The following DENND1B variants were observed in gnomAD, a reference collection of about 807,000 sequenced individuals.
DENND1B encodes the protein DENN domain containing 1B.
In DENND1B, 59 loss-of-function variants were observed where a neutral mutation model predicts 90.1. That is an observed-to-expected ratio of 0.65 (90% CI 0.53 to 0.81). The LOEUF is 0.81. Among genes scored for constraint, DENND1B ranks in the 40% least tolerant of loss-of-function variants. The pLI, the probability that DENND1B is intolerant of heterozygous loss-of-function variation, is 0.00. For missense variants in DENND1B, 862 were observed against 912.6 expected (o/e 0.94, Z 0.71); for synonymous variants, 337 against 324.6 (o/e 1.04, Z -0.41).
intron 3 of DENND1B, among the ~76,000 whole-genome samples, chr1:197,679,153 CTA>C (rs1656393509): frequency 6.6e-6 from 1 of 151,426 alleles, no homozygotes; most frequent in African/African-American, 2.4e-5. Flanking sequence ...ATAAAAAGAA[CTA>C]TGTTATAAAA....
intron 10 of DENND1B, among the ~76,000 whole-genome samples, chr1:197,618,010 G>A (rs757963431): frequency 6.6e-6 from 1 of 151,036 alleles, no homozygotes; most frequent in Non-Finnish European, 1.5e-5. Context: ...TACCGAGTTT[G>A]GGATTGAAAA....
intron 2 of DENND1B, among the ~76,000 whole-genome samples, chr1:197,740,497 A>T (rs1308221378): frequency 6.6e-6 from 1 of 152,202 alleles, no homozygotes; most frequent in Non-Finnish European, 1.5e-5. Context: ...TTGAGAATTG[A>T]GGTTGTAGAC....
intron 12 of DENND1B, among the ~76,000 whole-genome samples, chr1:197,611,117 G>A (rs1338753211): frequency 6.6e-6 from 1 of 150,746 alleles, no homozygotes; most frequent in Non-Finnish European, 1.5e-5. Context: ...ACTCATTTAG[G>A]TTGCTTATTA....
chr1:197,626,776 C>T (rs1357773079), intron 10 of DENND1B, among the ~76,000 whole-genome samples: 12 of 151,284 alleles, frequency 7.9e-5, no homozygotes, highest in African/African-American at 2.2e-4. Flanking sequence ...ATTGATAGAC[C>T]GCTAGCAAGA....
At chr1:197,733,296 T>A (rs1211730181) in intron 2 of DENND1B, among the ~76,000 whole-genome samples, 1 of 152,148 alleles carries the variant, frequency 6.6e-6, no homozygotes, top group Non-Finnish European at 1.5e-5. Flanking sequence ...GAAATATGCA[T>A]GTATTATTAG....
intron 3 of DENND1B, among the ~76,000 whole-genome samples, chr1:197,713,793 T>TACTATATTATAATA (rs1376908590): frequency 4.9e-5 from 1 of 20,226 alleles, no homozygotes; most frequent in Non-Finnish European, 8.2e-5. Context: ...TATTATAATA[T>TACTATATTATAATA]TATTATATTA....
intron 10 of DENND1B, among the ~76,000 whole-genome samples, chr1:197,632,438 T>C (rs185236977): frequency 1.0e-3 from 159 of 152,246 alleles, no homozygotes; most frequent in African/African-American, 3.8e-3. Flanking sequence ...CTTTCGAGAA[T>C]GAGGTGTCAT....
intron 6 of DENND1B, among the ~76,000 whole-genome samples, chr1:197,656,288 T>A: frequency 6.8e-6 from 1 of 147,772 alleles, no homozygotes; most frequent in Admixed American, 6.7e-5. Flanking sequence ...AAAGAGAAGG[T>A]GAGGACATAA....
intron 20 of DENND1B, among the ~76,000 whole-genome samples, chr1:197,537,898 C>T (rs1267758474): frequency 2.0e-5 from 3 of 151,562 alleles, no homozygotes; most frequent in African/African-American, 2.4e-5. Flanking sequence ...ATGTTCTTCC[C>T]GCAAAAAATG....
chr1:197,755,376 A>G (rs997159478), intron 2 of DENND1B, among the ~76,000 whole-genome samples: 12 of 152,168 alleles, frequency 7.9e-5, no homozygotes, highest in African/African-American at 2.7e-4. Context: ...TAGTGGAAGT[A>G]TCTAAATTAT....
intron 18 of DENND1B, among the ~76,000 whole-genome samples, chr1:197,541,351 A>ATTT (rs1460685501): frequency 1.3e-4 from 20 of 152,332 alleles, no homozygotes; most frequent in African/African-American, 4.8e-4. Context: ...GAACAGAGAA[A>ATTT]GTACATCCCC....
Position 197,505,077 on chromosome 1 carries a change from C to T in DENND1B, c.*5383G>A, listed in dbSNP as rs1667667003. On this transcript the variant is annotated 3_prime_UTR_variant, in exon 23 of 23. Transcript: ENST00000620048. Reference sequence around the variant, plus strand: ...CTTTGGAAAAGTTCAATTTTGAACCCCTCCTGTGGCTTTTACATAAAAAAG... The same window carrying T: ...CTTTGGAAAAGTTCAATTTTGAACCTCTCCTGTGGCTTTTACATAAAAAAG... 6.6e-6 allele frequency: 1 copy of T among 151,528 alleles called. No homozygotes were observed. The highest frequency in any genetic ancestry group is 2.4e-5 in the African/African-American group (1 of 41,338). 9.4% of individuals were successfully genotyped at this position (151,528 alleles called of 1,614,324 possible).
chr1:197,741,672 T>C (rs944307421), intron 2 of DENND1B, among the ~76,000 whole-genome samples: 3 of 152,174 alleles, frequency 2.0e-5, no homozygotes, highest in African/African-American at 4.8e-5. Context: ...ACTTAAAACA[T>C]TGGTATCTAT....
chr1:197,581,722 T>C (rs1316463383), intron 15 of DENND1B, among the ~76,000 whole-genome samples: 1 of 152,180 alleles, frequency 6.6e-6, no homozygotes, highest in Non-Finnish European at 1.5e-5. Context: ...CTTTATTAAG[T>C]GGTAAGGAAC....
intron 2 of DENND1B, among the ~76,000 whole-genome samples, chr1:197,752,637 A>AT (rs1210536640): frequency 6.6e-6 from 1 of 151,702 alleles, no homozygotes; most frequent in Non-Finnish European, 1.5e-5. Context: ...TCAAAGACTA[A>AT]TTTTTTTTCT....
chr1:197,602,815 T>C (rs1027654557), intron 13 of DENND1B, among the ~76,000 whole-genome samples: 4 of 151,518 alleles, frequency 2.6e-5, no homozygotes, highest in Non-Finnish European at 4.4e-5. Context: ...TGAATGTAGA[T>C]ATTCAAATAT....
chr1:197,674,048 A>G, intron 4 of DENND1B, 72 bp downstream of exon 4: 1 of 1,064,176 alleles, frequency 9.4e-7, no homozygotes, highest in Non-Finnish European at 1.4e-6. Context: ...TTTTATAAAA[A>G]AGCACATGTA....
intron 2 of DENND1B, among the ~76,000 whole-genome samples, chr1:197,751,037 A>T (rs1320928455): frequency 1.3e-5 from 2 of 152,182 alleles, no homozygotes; most frequent in Admixed American, 1.3e-4. Context: ...AAAGAAACAG[A>T]TCCAAAAAAT....
chr1:197,645,809 GA>G, intron 8 of DENND1B, 66 bp from the exon 9 acceptor site: 1 of 1,082,920 alleles, frequency 9.2e-7, no homozygotes, highest in Non-Finnish European at 1.3e-6. Context: ...AATTTGTAAT[GA>G]AAATCAGAAA....
Sources: allele counts gnomAD v4.1 joint callset (sites outside exome capture counted in the v4.1 genomes callset), GRCh38; gene constraint gnomAD v4.1.1; transcripts MANE v1.5; gene names NCBI Gene and HGNC (gene_info 2026-07-23, HGNC 2026-07-21).